ITGBL1: variants seen among roughly 807,000 people sequenced by gnomAD.
ITGBL1 encodes the protein integrin beta-like protein 1.
A neutral mutation model predicts 68.5 loss-of-function variants in ITGBL1; 51 were observed. The observed-to-expected ratio is 0.74, with a 90% CI of 0.59 to 0.94. ITGBL1 has a LOEUF of 0.94. ITGBL1 is among the 40% of genes least tolerant of loss of function. ITGBL1 has a pLI of 0.00. For missense variants in ITGBL1, 649 were observed against 647.4 expected (o/e 1.00, Z -0.03); for synonymous variants, 209 against 227.3 (o/e 0.92, Z 0.72).
intron 7 of ITGBL1, among the ~76,000 whole-genome samples, chr13:101,660,476 G>T (rs920451268): frequency 6.6e-6 from 1 of 152,156 alleles, no homozygotes; most frequent in Non-Finnish European, 1.5e-5. Flanking sequence ...CAATAGCAAT[G>T]ATATCTGCAG....
At chr13:101,541,911 T>A (rs1317701268) in intron 2 of ITGBL1, among the ~76,000 whole-genome samples, 1 of 152,222 alleles carries the variant, frequency 6.6e-6, no homozygotes, top group Non-Finnish European at 1.5e-5. Context: ...ATCCCCTTTA[T>A]CATTTTTTAT....
Position 101,692,634 on chromosome 13 carries a change from G to A in ITGBL1, c.1065G>A (p.Arg355=). 1 of 1,613,854 alleles carries A rather than the reference G, an allele frequency of 6.2e-7. No homozygotes were observed. Among genetic ancestry groups the A allele is most frequent in the Non-Finnish European group, 8.5e-7 (1 of 1,179,844 alleles). The change falls in exon 8 of 11, where the codon CGG becomes CGA. Residue 355 remains arginine, a synonymous_variant. Coordinates refer to ENST00000376180, the MANE Select transcript of ITGBL1 (RefSeq NM_004791.3). ...CCTGCTATCCTCCAGGAGATCGCCGGGTGTATGGCAAGACTTGTGAGTGTG... is the reference window on the plus strand; with the variant it reads ...CCTGCTATCCTCCAGGAGATCGCCGAGTGTATGGCAAGACTTGTGAGTGTG... ...KCTCYPPGDR[R]VYGKTCECDD...
rs2049336960 is a variant in ITGBL1 at position 101,524,380 on chromosome 13, ATTC to A, written c.317-43316_317-43314del. The stretch of plus-strand genomic sequence containing the variant: ...AGAGATAGATTGTAAAACTCAATGT[ATTC>A]TTATTCTTTTTTTTTTTTGCAATTA... On this transcript the variant is annotated intron_variant, in intron 2 of 10. Coordinates refer to ENST00000376180, the MANE Select transcript of ITGBL1 (RefSeq NM_004791.3). 3.7e-5 allele frequency among the ~76,000 whole-genome samples: 3 copies of A among 81,428 alleles called. No homozygotes were observed. In the South Asian group the frequency reaches 1.5e-3, roughly 40 times the overall value. The allele number at this position is 81,428 out of a possible 152,430, so 53.4% of individuals were successfully genotyped here. A position where few individuals can be genotyped will look rare whatever the true frequency, so the allele number is the denominator to read the frequency against.
chr13:101,604,998 ATATACATATATGCGTATATGTG>A (rs2030657195), intron 7 of ITGBL1, among the ~76,000 whole-genome samples: 1 of 133,124 alleles, frequency 7.5e-6, no homozygotes, highest in Non-Finnish European at 1.6e-5. Flanking sequence ...GTATATGTAT[ATATACATATATGCGTATATGTG>A]TATATGTATA....
chr13:101,696,782 G>A (rs1395769652), intron 8 of ITGBL1, among the ~76,000 whole-genome samples: 1 of 152,114 alleles, frequency 6.6e-6, no homozygotes, highest in African/African-American at 2.4e-5. Flanking sequence ...TAGGATAAAG[G>A]TTAGTGCTCA....
At chr13:101,516,142 G>T (rs144679569) in intron 2 of ITGBL1, among the ~76,000 whole-genome samples, 2 of 151,916 alleles carry the variant, frequency 1.3e-5, no homozygotes, top group African/African-American at 4.8e-5. Context: ...AGCTAATTTT[G>T]GTGCACCTTG....
intron 7 of ITGBL1, 69 bp from the exon 8 acceptor site, chr13:101,692,516 C>A: frequency 2.0e-6 from 2 of 1,007,108 alleles, no homozygotes; most frequent in South Asian, 2.6e-5. Flanking sequence ...ATAGTGTGCT[C>A]ACCTCCTTGA....
intron 7 of ITGBL1, among the ~76,000 whole-genome samples, chr13:101,676,601 A>G (rs931308301): frequency 7.2e-5 from 11 of 152,286 alleles, no homozygotes; most frequent in Non-Finnish European, 1.3e-4. Context: ...TTATTTGGAT[A>G]GAAGGTAGAA....
chr13:101,515,055 A>G (rs1392254911), intron 2 of ITGBL1, among the ~76,000 whole-genome samples: 1 of 152,136 alleles, frequency 6.6e-6, no homozygotes, highest in African/African-American at 2.4e-5. Flanking sequence ...GTGTTCTTAT[A>G]TAAAATACTT....
chr13:101,544,042 TTC>T lies in ITGBL1; in HGVS notation c.317-23652_317-23651del, dbSNP rs558827353. Among the ~76,000 whole-genome samples, 17 of 152,348 alleles carry T rather than the reference TTC, an allele frequency of 1.1e-4. No homozygotes were observed. The East Asian group carries it at 3.3e-3, about 29-fold the overall frequency. ...AGTAGTTTGATTGTCTGACGCCTTCTTCTCTCAACTCATCAAAGTCATTCTCC... is the reference window on the plus strand; with the variant it reads ...AGTAGTTTGATTGTCTGACGCCTTCTTCTCAACTCATCAAAGTCATTCTCC... On this transcript the variant is annotated intron_variant, in intron 2 of 10. Transcript: ENST00000376180.
chr13:101,647,162 A>G (rs2032586233), intron 7 of ITGBL1, among the ~76,000 whole-genome samples: 1 of 152,210 alleles, frequency 6.6e-6, no homozygotes, highest in South Asian at 2.1e-4. Flanking sequence ...TTTCTAGGAC[A>G]GATGAGAACA....
chr13:101,617,035 C>A (rs1446235989), intron 7 of ITGBL1, among the ~76,000 whole-genome samples: 1 of 152,096 alleles, frequency 6.6e-6, no homozygotes, highest in African/African-American at 2.4e-5. Flanking sequence ...TATAAAAGGG[C>A]TCCATAATAT....
chr13:101,551,060 CCT>C lies in ITGBL1; in HGVS notation c.317-16636_317-16635del, dbSNP rs1252700605. On this transcript the variant is annotated intron_variant, in intron 2 of 10. Transcript: ENST00000376180. The stretch of plus-strand genomic sequence containing the variant: ...ACTGGGGTGTATGGATTTTGCTGAC[CCT>C]CTGTCATCATGTAGGCATGATGGAG... Among the ~76,000 whole-genome samples, 9 of 152,100 alleles carry C rather than the reference CCT, an allele frequency of 5.9e-5. No homozygotes were observed. The East Asian group carries it at 1.7e-3, about 29-fold the overall frequency.
In ITGBL1 at chr13:101,471,212, G is replaced by T. The variant is rs534733152; in HGVS notation, c.316+17112G>T. Among the ~76,000 whole-genome samples, 17 of 152,226 alleles carry T rather than the reference G, an allele frequency of 1.1e-4. 1 individual carries two copies. The South Asian group carries it at 3.3e-3, about 30-fold the overall frequency. ...AAAGACTATATGGGTTCCAAAACTG[G>T]CTCGATTTTGGGAAGTTAGTTGATT... is the stretch of plus-strand genomic sequence containing the variant. On this transcript the variant is annotated intron_variant, in intron 2 of 10. Coordinates refer to ENST00000376180, the MANE Select transcript of ITGBL1 (RefSeq NM_004791.3).
At chr13:101,678,853 C>T (rs1382081942) in intron 7 of ITGBL1, among the ~76,000 whole-genome samples, 1 of 151,976 alleles carries the variant, frequency 6.6e-6, no homozygotes, top group Non-Finnish European at 1.5e-5. Flanking sequence ...TGACTAGAGC[C>T]TGATTCTACC....
intron 7 of ITGBL1, among the ~76,000 whole-genome samples, chr13:101,659,082 TG>T (rs1160994874): frequency 2.7e-5 from 4 of 146,324 alleles, no homozygotes; most frequent in African/African-American, 1.0e-4. Context: ...CTCGCTCTGT[TG>T]CCCAGGCTGG....
intron 2 of ITGBL1, among the ~76,000 whole-genome samples, chr13:101,497,740 T>TTAAGGA (rs1594847610): frequency 6.6e-6 from 1 of 152,230 alleles, no homozygotes; most frequent in East Asian, 1.9e-4. Flanking sequence ...GTCACGCTCC[T>TTAAGGA]TAAGGGCAGT....
chr13:101,486,402 A>T (rs964255752), intron 2 of ITGBL1, among the ~76,000 whole-genome samples: 9 of 152,180 alleles, frequency 5.9e-5, no homozygotes, highest in Non-Finnish European at 5.9e-5. Context: ...TACACTGCTC[A>T]GGTGATGAGT....
chr13:101,517,290 A>G (rs2049210583), intron 2 of ITGBL1, among the ~76,000 whole-genome samples: 1 of 152,138 alleles, frequency 6.6e-6, no homozygotes, highest in Non-Finnish European at 1.5e-5. Flanking sequence ...GCCACCAATG[A>G]TATCCAGAGA....
Sources: allele counts gnomAD v4.1 joint callset (sites outside exome capture counted in the v4.1 genomes callset), GRCh38; gene constraint gnomAD v4.1.1; transcripts MANE v1.5; gene names NCBI Gene and HGNC (gene_info 2026-07-23, HGNC 2026-07-21).